Variants in GGA2 observed in about 807,000 individuals in gnomAD.
GGA2 encodes golgi associated, gamma adaptin ear containing, ARF binding protein 2, also known as ADP-ribosylation factor-binding protein GGA2.
GGA2 carries 48 observed loss-of-function variants against 79.5 expected under a neutral mutation model. That is an observed-to-expected ratio of 0.60 (90% CI 0.48 to 0.77). The LOEUF (loss-of-function observed/expected upper bound fraction) is 0.77, where lower values mean the gene tolerates loss of function less well. Ranked by LOEUF, GGA2 falls within the 30% of genes least tolerant of loss-of-function variation. The pLI, the probability that GGA2 is intolerant of heterozygous loss-of-function variation, is 0.00. For missense variants in GGA2, 770 were observed against 774.0 expected (o/e 0.99, Z 0.06); for synonymous variants, 317 against 302.0 (o/e 1.05, Z -0.51).
At chr16:23,516,449 C>T (rs779978327) in intron 2 of GGA2, among the ~76,000 whole-genome samples, 9 of 152,136 alleles carry the variant, frequency 5.9e-5, no homozygotes, top group Non-Finnish European at 1.2e-4. Flanking sequence ...ATGGCTTTAT[C>T]GTGAAAATAG....
chr16:23,486,255 G>A, intron 7 of GGA2, 103 bp from the exon 8 acceptor site: 13 of 995,584 alleles, frequency 1.3e-5, no homozygotes, highest in Admixed American at 2.0e-5. Context: ...TCGCTCAGGG[G>A]CATCACCAGG....
rs1439597933 is a variant in GGA2, at chr16:23,494,335, G to T, written c.220C>A (p.Pro74Thr). The change falls in exon 3 of 17, where the codon CCG becomes ACG. Residue 74 changes from proline (P) to threonine (T), a missense_variant. By Grantham distance (38) the Pro-to-Thr change is conservative (BLOSUM62 -1). Coordinates refer to ENST00000309859, the MANE Select transcript of GGA2 (RefSeq NM_015044.4). The stretch of plus-strand genomic sequence containing the variant: ...GCATAAAGAGCTTCCTTCTCTTGCG[G>T]AGACTGGATCTTGTGGGCCAGTAGC... ...PWLLAHKIQSPQEKEALYALT... is the reference protein window; with the variant it reads ...PWLLAHKIQSTQEKEALYALT... 1 of 1,613,160 alleles carries T rather than the reference G, an allele frequency of 6.2e-7. No individual in the cohort carries two copies. The highest frequency in any genetic ancestry group is 1.3e-5 in the African/African-American group (1 of 75,044).
chr16:23,476,999 T>C (rs1224360556), intron 13 of GGA2, among the ~76,000 whole-genome samples: 1 of 152,226 alleles, frequency 6.6e-6, no homozygotes, highest in Admixed American at 6.5e-5. Context: ...CTGCCCAGGC[T>C]GGAATGCAGT....
At chr16:23,519,495 C>T (rs1390006542) in intron 2 of GGA2, 1 of 285,580 alleles carries the variant, frequency 3.5e-6, no homozygotes, top group African/African-American at 2.3e-5. Flanking sequence ...AGACACCTGA[C>T]CCAGGCTAGG....
At chr16:23,506,097 A>C (rs1964971260) in intron 1 of GGA2, among the ~76,000 whole-genome samples, 1 of 152,126 alleles carries the variant, frequency 6.6e-6, no homozygotes, top group Non-Finnish European at 1.5e-5. Context: ...CAACAACCCT[A>C]AGAAGAGGTT....
Position 23,478,397 on chromosome 16 carries a change from G to C in GGA2, c.1263C>G (p.Leu421=). 2 of 1,609,484 alleles carry C rather than the reference G, an allele frequency of 1.2e-6. No individual in the cohort carries two copies. The highest frequency in any genetic ancestry group is 1.7e-6 in the Non-Finnish European group (2 of 1,177,076). ...NPSADRNLLD[L]LSAQPAPCPL... Reference sequence around the variant, plus strand: ...GGCACGGAGCTGGCTGTGCTGAGAGGAGGTCCAGCAAATTCCTGTCTGCAG... The same window carrying C: ...GGCACGGAGCTGGCTGTGCTGAGAGCAGGTCCAGCAAATTCCTGTCTGCAG... Residue 421 remains leucine, a synonymous_variant, in exon 13 of 17, where the codon CTC becomes CTG. Coordinates refer to ENST00000309859, the MANE Select transcript of GGA2 (RefSeq NM_015044.4).
At chr16:23,487,773 A>G (rs1010247558) in intron 6 of GGA2, among the ~76,000 whole-genome samples, 1 of 152,106 alleles carries the variant, frequency 6.6e-6, no homozygotes, top group Non-Finnish European at 1.5e-5. Context: ...AGCCTTGCTC[A>G]TTCTAACAAC....
chr16:23,484,829 G>C (rs1964692478), intron 8 of GGA2, among the ~76,000 whole-genome samples: 1 of 152,162 alleles, frequency 6.6e-6, no homozygotes, highest in Non-Finnish European at 1.5e-5. Flanking sequence ...TAAATATGGA[G>C]TTACCCCAAG....
chr16:23,467,652 G>C lies in GGA2; in HGVS notation c.1780C>G (p.Pro594Ala). 1 of 1,610,140 alleles carries C rather than the reference G, an allele frequency of 6.2e-7. No individual in the cohort carries two copies. Among genetic ancestry groups the C allele is most frequent in the Non-Finnish European group, 8.5e-7 (1 of 1,176,446 alleles). Residue 594 changes from proline (P) to alanine (A), a missense_variant, in exon 17 of 17, where the codon CCT (proline) becomes GCT (alanine). Physicochemically the swap from Pro to Ala is conservative, Grantham distance 27 (BLOSUM62 -1). Transcript: ENST00000309859. ...YKLTFNQGGQ[P>A]FSEVGEVKDF... ...TTCACTTCTCCTACTTCGCTGAAAGGCTGTCCACCTTGGTTGAATGTCAGC... is the reference window on the plus strand; with the variant it reads ...TTCACTTCTCCTACTTCGCTGAAAGCCTGTCCACCTTGGTTGAATGTCAGC...
chr16:23,476,997 G>A (rs908381372), intron 13 of GGA2, among the ~76,000 whole-genome samples: 1 of 152,204 alleles, frequency 6.6e-6, no homozygotes, highest in Non-Finnish European at 1.5e-5. Flanking sequence ...TGCTGCCCAG[G>A]CTGGAATGCA....
At chr16:23,494,486 A>G (rs990675349) in intron 2 of GGA2, 108 bp from the exon 3 acceptor site, 3 of 798,520 alleles carry the variant, frequency 3.8e-6, no homozygotes, top group Non-Finnish European at 6.7e-6. Context: ...TGGTGTCCAA[A>G]AGCAGAGGTG....
chr16:23,514,098 T>C (rs1276449879), upstream of GGA2, among the ~76,000 whole-genome samples: 1 of 152,006 alleles, frequency 6.6e-6, no homozygotes, highest in Non-Finnish European at 1.5e-5. Flanking sequence ...CATGTCAACA[T>C]AAAACTTTTT....
rs907244342 is a variant in GGA2, at chr16:23,496,683, G to A, written c.92-905C>T. On this transcript the variant is annotated intron_variant, in intron 1 of 16. Transcript: ENST00000309859. The stretch of plus-strand genomic sequence containing the variant: ...AAATTTTAAAAAATTAAGACCAGGC[G>A]CGATGGCTCACGCCTGTAATCCCAG... 5.3e-5 allele frequency among the ~76,000 whole-genome samples: 8 copies of A among 151,936 alleles called. No homozygotes were observed. In the South Asian group the frequency reaches 1.0e-3, roughly 20 times the overall value.
Position 23,491,706 on chromosome 16 carries a change from C to A in GGA2, c.446G>T (p.Arg149Leu), listed in dbSNP as rs145056081. ...TVWFPEDIKI[R>L]DAYQMLKKQG... ...TTTCTTCAGCATCTGATAAGCGTCT[C>A]GAATCTTGATGTCTTCCGGAAACCA... The change falls in exon 5 of 17, where the codon CGA becomes CTA. Residue 149 changes from arginine (R) to leucine (L), a missense_variant. By Grantham distance (102) the Arg-to-Leu change is moderately radical (BLOSUM62 -2). Coordinates refer to ENST00000309859, the MANE Select transcript of GGA2 (RefSeq NM_015044.4). 2.4e-5 allele frequency: 38 copies of A among 1,612,826 alleles called. No homozygotes were observed. Among genetic ancestry groups the A allele is most frequent in the Non-Finnish European group, 2.3e-5 (27 of 1,179,014 alleles).
At position 23,500,304 on chromosome 16, in the gene GGA2, G is replaced by A. The variant is rs190470757; in HGVS notation, c.92-4526C>T. On this transcript the variant is annotated intron_variant, in intron 1 of 16. Coordinates refer to ENST00000309859, the MANE Select transcript of GGA2 (RefSeq NM_015044.4). ...GAAGCAAGGGAAGGCCCAAGCTACC[G>A]GAGAGGAGCCAGGAGCCGAGCTGCC... is the stretch of plus-strand genomic sequence containing the variant. 1.2e-4 allele frequency among the ~76,000 whole-genome samples: 19 copies of A among 152,354 alleles called. No homozygotes were observed. In the East Asian group the frequency reaches 3.3e-3, roughly 26 times the overall value.
At chr16:23,486,412 C>G (rs1964713701) in intron 7 of GGA2, among the ~76,000 whole-genome samples, 1 of 152,186 alleles carries the variant, frequency 6.6e-6, no homozygotes, top group African/African-American at 2.4e-5. Context: ...AAAGCAGATT[C>G]CTAAACCTGG....
In GGA2 at chr16:23,465,552, T is replaced by C; in HGVS notation, c.*2038A>G. 6.4e-6 allele frequency: 4 copies of C among 623,536 alleles called. No individual in the cohort carries two copies. In the South Asian group the frequency reaches 7.5e-5, roughly 12 times the overall value. 38.6% of individuals were successfully genotyped at this position (623,536 alleles called of 1,614,324 possible). On this transcript the variant is annotated 3_prime_UTR_variant, in exon 17 of 17. Coordinates refer to ENST00000309859, the MANE Select transcript of GGA2 (RefSeq NM_015044.4). ...GAAAGCCTGTCTTTATGTATAAGTC[T>C]CATTCACCCATTTTGACCAAAACCC...
At chr16:23,499,715 G>A (rs1309608623) in intron 1 of GGA2, among the ~76,000 whole-genome samples, 1 of 152,172 alleles carries the variant, frequency 6.6e-6, no homozygotes, top group Non-Finnish European at 1.5e-5. Flanking sequence ...GCCCGCCTCG[G>A]CCCCCCAAAG....
chr16:23,474,674 A>T (rs1164733196), intron 14 of GGA2, among the ~76,000 whole-genome samples: 2 of 150,456 alleles, frequency 1.3e-5, no homozygotes, highest in African/African-American at 4.9e-5. Context: ...CTGGTCTCAA[A>T]CTCCTGGCCT....
Sources: gnomAD v4.1 joint callset for allele counts (sites outside exome capture counted in the v4.1 genomes callset) on GRCh38, gnomAD v4.1.1 for gene constraint, MANE v1.5 for transcripts, NCBI Gene and HGNC (gene_info 2026-07-23, HGNC 2026-07-21) for gene names.